The following PCCA variants were observed in gnomAD, a reference collection of about 807,000 sequenced individuals.
PCCA encodes the protein propionyl-CoA carboxylase alpha chain, mitochondrial.
In PCCA, 74 loss-of-function variants were observed where a neutral mutation model predicts 101.3. The ratio of observed to expected loss-of-function variants is 0.73; its 90% CI spans 0.61 to 0.89. The LOEUF (loss-of-function observed/expected upper bound fraction) is 0.89. Among genes scored for constraint, PCCA ranks in the 40% least tolerant of loss-of-function variants. The pLI is 0.00. For missense variants in PCCA, 891 were observed against 907.0 expected (o/e 0.98, Z 0.23); for synonymous variants, 294 against 313.6 (o/e 0.94, Z 0.66).
intron 21 of PCCA, among the ~76,000 whole-genome samples, chr13:100,492,651 C>G (rs2152982463): frequency 6.6e-6 from 1 of 151,586 alleles, no homozygotes; most frequent in African/African-American, 2.4e-5. Context: ...AACAGGCATT[C>G]CCGTTTTTGT....
intron 6 of PCCA, among the ~76,000 whole-genome samples, chr13:100,171,991 C>T (rs1241419314): frequency 1.3e-5 from 2 of 148,598 alleles, no homozygotes; most frequent in Admixed American, 1.3e-4. Context: ...GAGTTCTCGC[C>T]ACTGCATTCC....
chr13:100,298,818 A>G (rs539402133), intron 12 of PCCA, among the ~76,000 whole-genome samples: 7 of 149,850 alleles, frequency 4.7e-5, no homozygotes, highest in African/African-American at 1.5e-4. Context: ...ACTTGCAGAG[A>G]GAAACCATTG....
At chr13:100,371,084 G>T (rs1466604468) in intron 19 of PCCA, among the ~76,000 whole-genome samples, 1 of 152,158 alleles carries the variant, frequency 6.6e-6, no homozygotes, top group Non-Finnish European at 1.5e-5. Context: ...TATTTAAAAA[G>T]AAAAATATAT....
chr13:100,508,385 G>A (rs562670495), intron 21 of PCCA, among the ~76,000 whole-genome samples: 2 of 152,200 alleles, frequency 1.3e-5, no homozygotes, highest in African/African-American at 2.4e-5. Context: ...GAGCCTCCTT[G>A]TGGCACATTC....
intron 21 of PCCA, among the ~76,000 whole-genome samples, chr13:100,485,301 C>T (rs1223461652): frequency 6.6e-6 from 1 of 152,182 alleles, no homozygotes; most frequent in Non-Finnish European, 1.5e-5. Context: ...CATATTTTGC[C>T]TCTTTGAGTG....
chr13:100,189,283 T>C (rs757604543), intron 6 of PCCA, among the ~76,000 whole-genome samples: 1 of 152,270 alleles, frequency 6.6e-6, no homozygotes, highest in Non-Finnish European at 1.5e-5. Context: ...TAATCCATTC[T>C]ATCATTGATG....
chr13:100,168,999 T>C (rs1213179289), intron 6 of PCCA, among the ~76,000 whole-genome samples: 1 of 152,238 alleles, frequency 6.6e-6, no homozygotes, highest in Non-Finnish European at 1.5e-5. Context: ...ACCAGTGTTT[T>C]ACAGACTGAC....
At chr13:100,201,480 A>G (rs1209330413) in intron 6 of PCCA, among the ~76,000 whole-genome samples, 1 of 152,178 alleles carries the variant, frequency 6.6e-6, no homozygotes, top group Non-Finnish European at 1.5e-5. Flanking sequence ...TTTATGTGTA[A>G]TGATACAGTA....
rs867743601 is a variant in PCCA, at chr13:100,259,459, C to T, written c.716+1786C>T. 4.4e-4 allele frequency among the ~76,000 whole-genome samples: 66 copies of T among 151,234 alleles called. 1 individual carries two copies. Among genetic ancestry groups the T allele is most frequent in the African/African-American group, 7.3e-4 (30 of 41,188 alleles). On this transcript the variant is annotated intron_variant, in intron 9 of 23. Coordinates refer to ENST00000376285, the MANE Select transcript of PCCA (RefSeq NM_000282.4). ...AAGTGATTCTCCTGCCTCAGCCTCCCGAGTAGCTGGGACTACAGCTGCACG... is the reference window on the plus strand; with the variant it reads ...AAGTGATTCTCCTGCCTCAGCCTCCTGAGTAGCTGGGACTACAGCTGCACG...
intron 19 of PCCA, among the ~76,000 whole-genome samples, chr13:100,418,240 G>A (rs1037822392): frequency 6.6e-6 from 1 of 152,114 alleles, no homozygotes; most frequent in African/African-American, 2.4e-5. Context: ...CTATGCCTGC[G>A]CATGAGCACC....
intron 8 of PCCA, among the ~76,000 whole-genome samples, chr13:100,253,116 C>T (rs2061860815): frequency 1.3e-5 from 2 of 152,138 alleles, no homozygotes; most frequent in Non-Finnish European, 2.9e-5. Flanking sequence ...CGTGTTATAG[C>T]AGTCATCACT....
At chr13:100,248,701 T>C (rs925227704) in intron 8 of PCCA, among the ~76,000 whole-genome samples, 3 of 152,156 alleles carry the variant, frequency 2.0e-5, no homozygotes, top group Non-Finnish European at 4.4e-5. Flanking sequence ...AGTTCTTTCT[T>C]AGGTATGGGT....
intron 19 of PCCA, among the ~76,000 whole-genome samples, chr13:100,400,048 T>G (rs1400070732): frequency 6.6e-6 from 1 of 152,214 alleles, no homozygotes; most frequent in African/African-American, 2.4e-5. Context: ...TCATTGAATT[T>G]ATGGATGAAA....
intron 21 of PCCA, among the ~76,000 whole-genome samples, chr13:100,459,179 T>C (rs1486412222): frequency 6.6e-6 from 1 of 152,188 alleles, no homozygotes; most frequent in Non-Finnish European, 1.5e-5. Flanking sequence ...GCACCACCAG[T>C]CATCAGATTT....
At chr13:100,269,076 G>A (rs1345708832) in intron 11 of PCCA, among the ~76,000 whole-genome samples, 2 of 152,220 alleles carry the variant, frequency 1.3e-5, no homozygotes, top group African/African-American at 4.8e-5. Context: ...TTGAACTCCT[G>A]GCATCAAAAG....
At chr13:100,232,351 C>CGTGTGTGTGTGT (rs375554722) in intron 7 of PCCA, among the ~76,000 whole-genome samples, 2,751 of 131,186 alleles carry the variant, frequency 0.021, 68 homozygotes, top group Non-Finnish European at 0.028. Flanking sequence ...TGTGTGTATG[C>CGTGTGTGTGTGT]GTGTGTGTGT....
intron 6 of PCCA, among the ~76,000 whole-genome samples, chr13:100,185,278 A>C (rs959599373): frequency 1.3e-5 from 2 of 152,174 alleles, no homozygotes; most frequent in African/African-American, 2.4e-5. Flanking sequence ...TATAGATAGA[A>C]TCATATAGTT....
At chr13:100,188,480 C>T (rs2057492762) in intron 6 of PCCA, among the ~76,000 whole-genome samples, 1 of 152,102 alleles carries the variant, frequency 6.6e-6, no homozygotes, top group African/African-American at 2.4e-5. Flanking sequence ...TGGGCTGGCT[C>T]CATATTTTTG....
chr13:100,453,349 A>C (rs577693706), intron 21 of PCCA, among the ~76,000 whole-genome samples: 2 of 152,138 alleles, frequency 1.3e-5, no homozygotes, highest in East Asian at 3.9e-4. Context: ...AAAAATACAA[A>C]AATTAGCCAG....
Sources: allele counts gnomAD v4.1 joint callset (sites outside exome capture counted in the v4.1 genomes callset), GRCh38; gene constraint gnomAD v4.1.1; transcripts MANE v1.5; gene names NCBI Gene and HGNC (gene_info 2026-07-23, HGNC 2026-07-21).